The following EVC2 variants were observed in gnomAD, a reference collection of about 807,000 sequenced individuals.
EVC2 encodes the protein EvC ciliary complex subunit 2.
In EVC2, 148 loss-of-function variants were observed where a neutral mutation model predicts 149.3. That is an observed-to-expected ratio of 0.99 (90% confidence interval 0.87 to 1.14). The LOEUF (loss-of-function observed/expected upper bound fraction) is 1.14, where lower values mean the gene tolerates loss of function less well. Among genes scored for constraint, EVC2 ranks in the 50% most tolerant of loss-of-function variants. The pLI, the probability that EVC2 is intolerant of heterozygous loss-of-function variation, is 0.00. For missense variants in EVC2, 1,854 were observed against 1,627.3 expected (o/e 1.14, Z -2.40); for synonymous variants, 776 against 649.9 (o/e 1.19, Z -2.95).
chr4:5,595,615 A>T (rs9687778), intron 16 of EVC2, among the ~76,000 whole-genome samples: 100,435 of 151,978 alleles, frequency 0.66, 33,614 homozygotes, highest in East Asian at 0.86. Flanking sequence ...TGCAAAATCA[A>T]GCCAAATTGT....
chr4:5,562,579 G>T lies in EVC2; in HGVS notation c.*269C>A. 1 of 1,356,932 alleles carries T rather than the reference G, an allele frequency of 7.4e-7. No individual in the cohort carries two copies. The highest frequency in any genetic ancestry group is 9.5e-7 in the Non-Finnish European group (1 of 1,052,008). 84.1% of individuals were successfully genotyped at this position (1,356,932 alleles called of 1,614,324 possible). A position where few individuals can be genotyped will look rare whatever the true frequency, so the allele number is the denominator to read the frequency against. The stretch of plus-strand genomic sequence containing the variant: ...AGCAGAGGATGGGGTGTGGATTGCA[G>T]GGTGGGGGTCTCCTCCAGGGCCCTG... On this transcript the variant is annotated 3_prime_UTR_variant, in exon 22 of 22. Coordinates refer to ENST00000344408, the MANE Select transcript of EVC2 (RefSeq NM_147127.5). The surrounding 1 kb of genome is among the most constrained non-coding windows in gnomAD (Gnocchi z 4.3).
rs1379855584 is a variant in EVC2 at position 5,624,855 on chromosome 4, T to C, written c.2046+894A>G. 2.0e-5 allele frequency among the ~76,000 whole-genome samples: 3 copies of C among 152,188 alleles called. No homozygotes were observed. In the East Asian group the frequency reaches 5.8e-4, roughly 29 times the overall value. On this transcript the variant is annotated intron_variant, in intron 13 of 21. Coordinates refer to ENST00000344408, the MANE Select transcript of EVC2 (RefSeq NM_147127.5). The stretch of plus-strand genomic sequence containing the variant: ...GTTTCTATTGATCAAATTTGAAAGT[T>C]ATTCTTCATCCCCTCCCTGCAAATG...
At chr4:5,535,631 G>GAGAGAGAGAGAGAA in the EVC2 span, among the ~76,000 whole-genome samples, 1 of 150,688 alleles carries the variant, frequency 6.6e-6, no homozygotes, top group Admixed American at 6.6e-5. The surrounding 1 kb of genome is among the most constrained non-coding windows in gnomAD (Gnocchi z 4.7). Context: ...GAGAGAGAGA[G>GAGAGAGAGAGAGAA]AGAAAGAGAT....
rs1716881921 is a variant in EVC2 at position 5,636,200 on chromosome 4, A to G, written c.1471-4168T>C. Among the ~76,000 whole-genome samples the G allele has an allele frequency of 1.3e-5, 2 of 151,980 alleles. No individual in the cohort carries two copies. Among genetic ancestry groups the G allele is most frequent in the Admixed American group, 1.3e-4 (2 of 15,260 alleles). On this transcript the variant is annotated intron_variant, in intron 10 of 21. Transcript: ENST00000344408. The surrounding 1 kb of genome is among the most constrained non-coding windows in gnomAD (Gnocchi z 4.6). The stretch of plus-strand genomic sequence containing the variant: ...CTGGAGGAAAAGAGGGAGGAAATAA[A>G]CCCCAGCAACCTGCCTTCTGTGCCT...
At chr4:5,604,820 T>C (rs1714257916) in intron 16 of EVC2, among the ~76,000 whole-genome samples, 2 of 152,036 alleles carry the variant, frequency 1.3e-5, no homozygotes, top group South Asian at 4.2e-4. Context: ...CATAAATATG[T>C]ACCAATATTG....
chr4:5,587,717 C>A (rs1423787871), intron 16 of EVC2, among the ~76,000 whole-genome samples: 1 of 152,148 alleles, frequency 6.6e-6, no homozygotes, highest in African/African-American at 2.4e-5. Flanking sequence ...CTTTTAAGGG[C>A]TCACAACTCT....
At chr4:5,570,177 C>T (rs73196189) in intron 19 of EVC2, among the ~76,000 whole-genome samples, 1,561 of 152,258 alleles carry the variant, frequency 0.01, 13 homozygotes, top group Middle Eastern at 0.027. Context: ...CAGTGACACA[C>T]GCTTCTCTGT....
chr4:5,648,305 T>G (rs75594770), intron 9 of EVC2, among the ~76,000 whole-genome samples: 1,819 of 152,292 alleles, frequency 0.012, 29 homozygotes, highest in African/African-American at 0.042. Context: ...CCTCCAGAAC[T>G]CTAAGATTCA....
intron 4 of EVC2, among the ~76,000 whole-genome samples, chr4:5,690,528 C>T (rs952555963): frequency 1.3e-4 from 19 of 151,550 alleles, no homozygotes; most frequent in Admixed American, 3.3e-4. Context: ...GGCTAGAGAA[C>T]GAGTAACTGA....
intron 12 of EVC2, among the ~76,000 whole-genome samples, chr4:5,627,657 G>A (rs1005955136): frequency 6.6e-6 from 1 of 152,152 alleles, no homozygotes; most frequent in Admixed American, 6.5e-5. Flanking sequence ...TCACCTCAAA[G>A]AATAGCTGAG....
rs975331393 is a variant in EVC2 at position 5,696,542 on chromosome 4, C to T, written c.283+1051G>A. 5.9e-5 allele frequency among the ~76,000 whole-genome samples: 9 copies of T among 152,202 alleles called. No individual in the cohort carries two copies. The highest frequency in any genetic ancestry group is 1.2e-4 in the African/African-American group (5 of 41,458). On this transcript the variant is annotated intron_variant, in intron 2 of 21. Coordinates refer to ENST00000344408, the MANE Select transcript of EVC2 (RefSeq NM_147127.5). This position sits in a 1 kb window ranked among gnomAD's most constrained non-coding sequence, Gnocchi z 4.1. The stretch of plus-strand genomic sequence containing the variant: ...ACTGTCACAGCCGCTGGGAAGTCTG[C>T]GCTGCAGGTGCCAGCCATGAGGCTC...
chr4:5,692,673 C>G (rs527733661), intron 3 of EVC2, among the ~76,000 whole-genome samples: 2 of 151,490 alleles, frequency 1.3e-5, no homozygotes, highest in Admixed American at 1.3e-4. Context: ...CGAGACCATC[C>G]TGGCTAACAA....
At chr4:5,532,382 C>G in the EVC2 span, among the ~76,000 whole-genome samples, 3 of 152,180 alleles carry the variant, frequency 2.0e-5, no homozygotes, top group Admixed American at 6.5e-5. Flanking sequence ...TCCAAAAACA[C>G]CCTCACAGAA....
At chr4:5,607,990 G>C (rs554296055) in intron 16 of EVC2, among the ~76,000 whole-genome samples, 4 of 152,120 alleles carry the variant, frequency 2.6e-5, no homozygotes, top group African/African-American at 9.6e-5. Context: ...ATCTTGGGAG[G>C]TGAAGGCCTT....
In EVC2 at chr4:5,622,987, C is replaced by T. The variant is rs1183344146; in HGVS notation, c.2051G>A (p.Arg684Lys). ...KRRRELLQKH[R>K]EQRREQASVG... The stretch of plus-strand genomic sequence containing the variant: ...GGACGCCTGCTCCCTACGCTGCTCC[C>T]TGTGCTGGAGTTTCAGAAAAGAAAA... The change falls in exon 14 of 22, where the codon AGG becomes AAG. Residue 684 changes from arginine (R) to lysine (K), a missense_variant. By Grantham distance (26) the Arg-to-Lys change is conservative. Transcript: ENST00000344408. The surrounding 1 kb of genome is among the most constrained non-coding windows in gnomAD (Gnocchi z 5.8). 3.1e-6 allele frequency: 5 copies of T among 1,613,990 alleles called. No homozygotes were observed. The South Asian group carries it at 5.5e-5, about 18-fold the overall frequency.
In EVC2 at chr4:5,613,205, C is replaced by G. The variant is rs1406339077; in HGVS notation, c.2829+2217G>C. Among the ~76,000 whole-genome samples, 1 of 152,120 alleles carries G rather than the reference C, an allele frequency of 6.6e-6. No homozygotes were observed. The highest frequency in any genetic ancestry group is 1.5e-5 in the Non-Finnish European group (1 of 68,028). Reference sequence around the variant, plus strand: ...AGGTTCCTCCACGGGGCTGCTCCCCCATCCACTGGCCATGACCCAGCACTC... The same window carrying G: ...AGGTTCCTCCACGGGGCTGCTCCCCGATCCACTGGCCATGACCCAGCACTC... On this transcript the variant is annotated intron_variant, in intron 16 of 21. Transcript: ENST00000344408. This position sits in a 1 kb window ranked among gnomAD's most constrained non-coding sequence, Gnocchi z 4.6.
At chr4:5,626,912 C>G (rs1023357548) in intron 12 of EVC2, among the ~76,000 whole-genome samples, 1 of 152,156 alleles carries the variant, frequency 6.6e-6, no homozygotes, top group Non-Finnish European at 1.5e-5. Flanking sequence ...CAGATTTGGA[C>G]TGAATTATAC....
At chr4:5,663,337 A>G in intron 8 of EVC2, 91 bp from the exon 9 acceptor site, 1 of 1,572,908 alleles carries the variant, frequency 6.4e-7, no homozygotes, top group Non-Finnish European at 8.7e-7. Context: ...AGGGGTCTGC[A>G]GTCTGAGCAC....
At chr4:5,704,638 G>A (rs1056840342) in intron 1 of EVC2, among the ~76,000 whole-genome samples, 1 of 152,174 alleles carries the variant, frequency 6.6e-6, no homozygotes, top group African/African-American at 2.4e-5. Context: ...GGCCATTAAA[G>A]ATCAAGTGAA....
Sources: gnomAD v4.1 joint callset for allele counts (sites outside exome capture counted in the v4.1 genomes callset) on GRCh38, gnomAD v4.1.1 for gene constraint, Gnocchi (gnomAD v3.1) non-coding constraint, MANE v1.5 for transcripts, NCBI Gene and HGNC (gene_info 2026-07-23, HGNC 2026-07-21) for gene names.